The following PRUNE2 variants were observed in gnomAD, a reference collection of about 807,000 sequenced individuals.
PRUNE2 encodes protein prune homolog 2.
Under a neutral mutation model 252.0 loss-of-function variants are expected in PRUNE2, and 164 were observed. The ratio of observed to expected loss-of-function variants is 0.65; its 90% CI spans 0.57 to 0.74. The LOEUF (loss-of-function observed/expected upper bound fraction) is 0.74. Among genes scored for constraint, PRUNE2 ranks in the 30% least tolerant of loss-of-function variants. The probability of loss-of-function intolerance (pLI) is 0.00; values close to 1 mark genes in which losing one functional copy is unlikely to be tolerated. For missense variants in PRUNE2, 3,495 were observed against 3,711.0 expected, an observed-to-expected ratio of 0.94 and a Z score of 1.51; for synonymous variants, 1,292 against 1,350.2, an observed-to-expected ratio of 0.96 and a Z score of 0.94.
chr9:76,733,976 T>C (rs2135459851), intron 6 of PRUNE2, among the ~76,000 whole-genome samples: 1 of 152,208 alleles, frequency 6.6e-6, no homozygotes, highest in Admixed American at 6.5e-5. Flanking sequence ...TCAGTAATCC[T>C]GTAGCCAAAA....
chr9:76,855,354 G>C (rs1186855551), intron 1 of PRUNE2, among the ~76,000 whole-genome samples: 1 of 151,494 alleles, frequency 6.6e-6, no homozygotes, highest in Non-Finnish European at 1.5e-5. Flanking sequence ...TCTCATTTTA[G>C]AACTACCTAG....
chr9:76,834,280 G>A (rs1030170080), intron 4 of PRUNE2, among the ~76,000 whole-genome samples: 2 of 152,082 alleles, frequency 1.3e-5, no homozygotes, highest in African/African-American at 4.8e-5. Flanking sequence ...ATAAATAAAG[G>A]AAAATAAAGA....
rs1215644837 is a variant in PRUNE2 at position 76,613,074 on chromosome 9, T to C, written c.*1496A>G. 2 of 152,242 alleles carry C rather than the reference T, an allele frequency of 1.3e-5. No individual in the cohort carries two copies. Among genetic ancestry groups the C allele is most frequent in the Non-Finnish European group, 2.9e-5 (2 of 68,038 alleles). The allele number at this position is 152,242 out of a possible 1,614,324, so 9.4% of individuals were successfully genotyped here. A position where few individuals can be genotyped will look rare whatever the true frequency, so the allele number is the denominator to read the frequency against. On this transcript the variant is annotated 3_prime_UTR_variant, in exon 19 of 19. Coordinates refer to ENST00000376718, the MANE Select transcript of PRUNE2 (RefSeq NM_015225.3). ...TTCTAAGAAGGCTTCATTTTGGCAA[T>C]TGCAACCTAAGCAGTGATTTTGTGG...
intron 1 of PRUNE2, among the ~76,000 whole-genome samples, chr9:76,871,974 G>A (rs1321109773): frequency 6.6e-6 from 1 of 152,144 alleles, no homozygotes; most frequent in African/African-American, 2.4e-5. Flanking sequence ...TAGTGACATT[G>A]TAAAAAATGA....
At chr9:76,776,941 C>CACACAG (rs1564280230) in intron 6 of PRUNE2, among the ~76,000 whole-genome samples, 2 of 144,900 alleles carry the variant, frequency 1.4e-5, no homozygotes, top group African/African-American at 5.2e-5. Context: ...CACACACACA[C>CACACAG]ACACAAAGGG....
intron 10 of PRUNE2, among the ~76,000 whole-genome samples, chr9:76,655,207 T>C (rs1848738473): frequency 6.6e-6 from 1 of 152,184 alleles, no homozygotes; most frequent in South Asian, 2.1e-4. Context: ...GTCTAGGAGA[T>C]AAAATGCAGC....
At chr9:76,824,772 T>TA (rs2058247524) in intron 5 of PRUNE2, among the ~76,000 whole-genome samples, 1 of 152,190 alleles carries the variant, frequency 6.6e-6, no homozygotes, top group Non-Finnish European at 1.5e-5. Flanking sequence ...ACTACCTACT[T>TA]ACAATGCTCT....
intron 5 of PRUNE2, among the ~76,000 whole-genome samples, chr9:76,826,125 T>C (rs2058331280): frequency 6.6e-6 from 1 of 152,160 alleles, no homozygotes. Flanking sequence ...CAACATTATG[T>C]GCCTGAAAAC....
intron 6 of PRUNE2, among the ~76,000 whole-genome samples, chr9:76,722,413 T>C (rs115719524): frequency 0.014 from 2,112 of 152,180 alleles, 45 homozygotes; most frequent in African/African-American, 0.047. Context: ...CAAAGCATCA[T>C]AGTAGTAAAA....
chr9:76,708,355 G>A lies in PRUNE2; in HGVS notation c.3919C>T (p.Pro1307Ser). 1 of 1,613,746 alleles carries A rather than the reference G, an allele frequency of 6.2e-7. No homozygotes were observed. Among genetic ancestry groups the A allele is most frequent in the Non-Finnish European group, 8.5e-7 (1 of 1,179,878 alleles). ...AASLATRLEN[P>S]GYFPHPDPWK... ...GGATCTGGGTGTGGAAAATACCCTGGATTCTCAAGCCTAGTCGCCAAGGAT... is the reference window on the plus strand; with the variant it reads ...GGATCTGGGTGTGGAAAATACCCTGAATTCTCAAGCCTAGTCGCCAAGGAT... The change falls in exon 8 of 19, where the codon CCA becomes TCA. Residue 1307 changes from proline (P) to serine (S), a missense_variant. Physicochemically the swap from Pro to Ser is moderately conservative, Grantham distance 74 (BLOSUM62 -1). Coordinates refer to ENST00000376718, the MANE Select transcript of PRUNE2 (RefSeq NM_015225.3).
chr9:76,767,983 T>C (rs918296306), intron 6 of PRUNE2, among the ~76,000 whole-genome samples: 2 of 152,192 alleles, frequency 1.3e-5, no homozygotes, highest in Non-Finnish European at 2.9e-5. Context: ...TGATCTTCCC[T>C]GTTCTTTCTT....
At chr9:76,746,487 T>C (rs1301707627) in intron 6 of PRUNE2, among the ~76,000 whole-genome samples, 6 of 150,992 alleles carry the variant, frequency 4.0e-5, no homozygotes, top group Non-Finnish European at 7.4e-5. Context: ...GGGTGGATCA[T>C]GAGGTCAGGA....
intron 1 of PRUNE2, among the ~76,000 whole-genome samples, chr9:76,904,009 A>C (rs1178951760): frequency 1.3e-5 from 2 of 152,230 alleles, no homozygotes; most frequent in East Asian, 3.9e-4. Context: ...ACTATATTTG[A>C]GTGTCATACA....
intron 9 of PRUNE2, among the ~76,000 whole-genome samples, chr9:76,702,048 A>C (rs1425232004): frequency 6.6e-6 from 1 of 150,834 alleles, no homozygotes; most frequent in Non-Finnish European, 1.5e-5. Flanking sequence ...AGTAGCAAAA[A>C]TATATCTTTT....
At chr9:76,635,125 C>A (rs1388487924) in intron 15 of PRUNE2, among the ~76,000 whole-genome samples, 1 of 152,096 alleles carries the variant, frequency 6.6e-6, no homozygotes, top group Admixed American at 6.6e-5. Flanking sequence ...ACACCACCAC[C>A]ATGCCTGGCT....
At chr9:76,685,101 C>T (rs2043940025) in intron 9 of PRUNE2, among the ~76,000 whole-genome samples, 1 of 152,188 alleles carries the variant, frequency 6.6e-6, no homozygotes, top group Admixed American at 6.5e-5. Context: ...ACTGACTTCT[C>T]TTAAGACTCA....
rs145876701 is a variant in PRUNE2, at chr9:76,772,016, C to T, written c.756+51616G>A. ...ACAGCAAATTTGCCTATACGAAGTC[C>T]GAGAGCAGAGTATGTGGCTCCACAC... On this transcript the variant is annotated intron_variant, in intron 6 of 18. Coordinates refer to ENST00000376718, the MANE Select transcript of PRUNE2 (RefSeq NM_015225.3). 1.1e-4 allele frequency among the ~76,000 whole-genome samples: 17 copies of T among 152,286 alleles called. No individual in the cohort carries two copies. The South Asian group carries it at 1.5e-3, about 13-fold the overall frequency.
chr9:76,745,921 C>T (rs573687053), intron 6 of PRUNE2, among the ~76,000 whole-genome samples: 3 of 152,340 alleles, frequency 2.0e-5, no homozygotes, highest in East Asian at 3.9e-4. Flanking sequence ...TTCACCCTCA[C>T]TTCCCCTGGT....
intron 12 of PRUNE2, among the ~76,000 whole-genome samples, chr9:76,640,742 C>A (rs1472865434): frequency 1.3e-5 from 2 of 152,176 alleles, no homozygotes; most frequent in Non-Finnish European, 2.9e-5. Flanking sequence ...GATATGGTGG[C>A]TTAGCTATAC....
Sources: gnomAD v4.1 joint callset for allele counts (sites outside exome capture counted in the v4.1 genomes callset) on GRCh38, gnomAD v4.1.1 for gene constraint, MANE v1.5 for transcripts, NCBI Gene and HGNC (gene_info 2026-07-23, HGNC 2026-07-21) for gene names.